Variants in AGBL4 observed in about 807,000 individuals in gnomAD.
AGBL4 encodes cytosolic carboxypeptidase 6.
AGBL4 carries 58 observed loss-of-function variants against 66.4 expected under a neutral mutation model. That is an observed-to-expected ratio of 0.87 (90% CI 0.71 to 1.09). The LOEUF (loss-of-function observed/expected upper bound fraction) is 1.09, where lower values mean the gene tolerates loss of function less well. AGBL4 is among the 50% of genes least tolerant of loss of function. AGBL4 has a pLI of 0.00. For missense variants in AGBL4, 579 were observed against 631.0 expected, an observed-to-expected ratio of 0.92 and a Z score of 0.88; for synonymous variants, 234 against 222.9, an observed-to-expected ratio of 1.05 and a Z score of -0.44.
intron 1 of AGBL4, among the ~76,000 whole-genome samples, chr1:49,925,959 C>A (rs1557586368): frequency 6.6e-6 from 1 of 152,188 alleles, no homozygotes; most frequent in Non-Finnish European, 1.5e-5. Context: ...ACTTGCCACC[C>A]TGAAGGAAGC....
intron 8 of AGBL4, among the ~76,000 whole-genome samples, chr1:48,650,113 A>G (rs1645902522): frequency 6.6e-6 from 1 of 152,172 alleles, no homozygotes; most frequent in African/African-American, 2.4e-5. Flanking sequence ...GAGGTGCCTC[A>G]GGGCAGGCCT....
chr1:49,143,433 T>A (rs894024756), intron 4 of AGBL4, among the ~76,000 whole-genome samples: 10 of 152,200 alleles, frequency 6.6e-5, no homozygotes, highest in African/African-American at 2.4e-4. Context: ...TAACAAATAA[T>A]TGTATCTTGC....
At chr1:49,159,459 T>A (rs2148136671) in intron 4 of AGBL4, among the ~76,000 whole-genome samples, 1 of 152,322 alleles carries the variant, frequency 6.6e-6, no homozygotes, top group East Asian at 1.9e-4. Flanking sequence ...CTTCCCTTTG[T>A]GGGTAACCCG....
intron 6 of AGBL4, among the ~76,000 whole-genome samples, chr1:48,734,302 C>T (rs1326268287): frequency 6.6e-6 from 1 of 152,186 alleles, no homozygotes; most frequent in Non-Finnish European, 1.5e-5. Context: ...GCTTTGACCT[C>T]AGGCTGGTTG....
intron 3 of AGBL4, among the ~76,000 whole-genome samples, chr1:49,631,172 TG>T (rs967004612): frequency 5.9e-5 from 9 of 152,206 alleles, no homozygotes; most frequent in Non-Finnish European, 8.8e-5. Context: ...TTTAGGATAC[TG>T]GGTTTTCTCA....
At chr1:49,121,942 G>A (rs1645662636) in intron 4 of AGBL4, among the ~76,000 whole-genome samples, 1 of 152,226 alleles carries the variant, frequency 6.6e-6, no homozygotes, top group Non-Finnish European at 1.5e-5. Context: ...AAGCCAGGCT[G>A]TCCCCTCACA....
chr1:49,122,320 C>G (rs901026005), intron 4 of AGBL4, among the ~76,000 whole-genome samples: 3 of 151,732 alleles, frequency 2.0e-5, no homozygotes, highest in Admixed American at 2.0e-4. Context: ...CAGACCGGAG[C>G]TGTTCCTATT....
intron 1 of AGBL4, among the ~76,000 whole-genome samples, chr1:49,959,316 G>A (rs371174602): frequency 5.3e-5 from 8 of 152,026 alleles, no homozygotes; most frequent in African/African-American, 2.4e-5. Flanking sequence ...ACCTGGCAAG[G>A]ATTTCGCAGG....
At chr1:49,243,751 A>G (rs1024381567) in intron 4 of AGBL4, among the ~76,000 whole-genome samples, 4 of 151,966 alleles carry the variant, frequency 2.6e-5, no homozygotes, top group Non-Finnish European at 3.0e-5. Flanking sequence ...CTCTGAAGCA[A>G]TGTAAGTAGC....
chr1:48,885,138 G>C (rs113925259), intron 5 of AGBL4, among the ~76,000 whole-genome samples: 1 of 152,216 alleles, frequency 6.6e-6, no homozygotes, highest in Admixed American at 6.5e-5. Context: ...TCTGTTTCCT[G>C]TTTTGTTTAG....
intron 3 of AGBL4, among the ~76,000 whole-genome samples, chr1:49,306,665 G>A (rs928806140): frequency 3.3e-5 from 5 of 152,166 alleles, no homozygotes; most frequent in Admixed American, 6.5e-5. Flanking sequence ...TTGACATCAC[G>A]TGACACATAG....
chr1:49,311,814 G>A (rs927911982), intron 3 of AGBL4, among the ~76,000 whole-genome samples: 10 of 151,628 alleles, frequency 6.6e-5, no homozygotes, highest in Non-Finnish European at 1.0e-4. Flanking sequence ...GTAATAAAGG[G>A]AGACTTATGT....
intron 3 of AGBL4, among the ~76,000 whole-genome samples, chr1:49,525,047 A>G (rs1196416190): frequency 1.3e-5 from 2 of 152,226 alleles, no homozygotes; most frequent in East Asian, 3.9e-4. Flanking sequence ...AAATGGAAAC[A>G]ATAATATGTA....
chr1:49,373,631 A>T (rs1167303397), intron 3 of AGBL4, among the ~76,000 whole-genome samples: 1 of 152,198 alleles, frequency 6.6e-6, no homozygotes, highest in Non-Finnish European at 1.5e-5. Context: ...TGTACATATT[A>T]CTATCCTCAT....
intron 6 of AGBL4, among the ~76,000 whole-genome samples, chr1:48,852,452 G>A (rs1372853737): frequency 6.6e-6 from 1 of 152,074 alleles, no homozygotes; most frequent in African/African-American, 2.4e-5. Flanking sequence ...CTAATCTCTA[G>A]GAACTCCTAA....
chr1:49,101,455 G>A (rs1645200651), intron 4 of AGBL4, among the ~76,000 whole-genome samples: 2 of 152,262 alleles, frequency 1.3e-5, no homozygotes, highest in Middle Eastern at 3.4e-3. Context: ...CCAAAGTGCT[G>A]GGATTACAGG....
chr1:49,666,513 C>T (rs1283828032), intron 3 of AGBL4, among the ~76,000 whole-genome samples: 2 of 151,910 alleles, frequency 1.3e-5, no homozygotes, highest in Non-Finnish European at 2.9e-5. Context: ...TTGCAGTGAG[C>T]AGAGATTGCA....
chr1:48,749,466 A>G (rs1033356999), intron 6 of AGBL4, among the ~76,000 whole-genome samples: 4 of 152,214 alleles, frequency 2.6e-5, no homozygotes, highest in African/African-American at 4.8e-5. Flanking sequence ...AGAGTAGTAA[A>G]GTAACTTGCC....
intron 3 of AGBL4, among the ~76,000 whole-genome samples, chr1:49,508,674 C>G (rs1648914260): frequency 6.6e-6 from 1 of 151,918 alleles, no homozygotes; most frequent in East Asian, 1.9e-4. Context: ...TTCTATGCAA[C>G]CTTAGGCAAA....
Sources: gnomAD v4.1 joint callset for allele counts (sites outside exome capture counted in the v4.1 genomes callset) on GRCh38, gnomAD v4.1.1 for gene constraint, MANE v1.5 for transcripts, NCBI Gene and HGNC (gene_info 2026-07-23, HGNC 2026-07-21) for gene names.